Variants in PPARGC1A observed in about 807,000 individuals in gnomAD.
PPARGC1A encodes peroxisome proliferator-activated receptor gamma coactivator 1-alpha.
Under a neutral mutation model 88.7 loss-of-function variants are expected in PPARGC1A, and 25 were observed. The ratio of observed to expected loss-of-function variants is 0.28; its 90% CI spans 0.21 to 0.39. The LOEUF (loss-of-function observed/expected upper bound fraction) is 0.39. Ranked by LOEUF, PPARGC1A falls within the 10% of genes least tolerant of loss-of-function variation. The pLI, the probability that PPARGC1A is intolerant of heterozygous loss-of-function variation, is 1.00. For missense variants in PPARGC1A, 880 were observed against 968.7 expected (o/e 0.91, Z 1.22); for synonymous variants, 363 against 355.6 (o/e 1.02, Z -0.24).
intron 7 of PPARGC1A, chr4:23,820,399 A>T (rs1430236192): frequency 1.5e-5 from 3 of 198,388 alleles, no homozygotes; most frequent in African/African-American, 7.1e-5. Context: ...CTATATATAC[A>T]TATACATAAA....
At chr4:24,125,603 G>A in the PPARGC1A span, among the ~76,000 whole-genome samples, 1 of 152,154 alleles carries the variant, frequency 6.6e-6, no homozygotes, top group East Asian at 1.9e-4. Context: ...TACTTCTTAT[G>A]CCCTGTATTT....
At chr4:24,351,455 G>A in the PPARGC1A span, among the ~76,000 whole-genome samples, 27 of 151,476 alleles carry the variant, frequency 1.8e-4, no homozygotes, top group East Asian at 5.8e-4. Context: ...GGAAAAATGC[G>A]ATTACAAAAC....
chr4:24,221,143 G>A, the PPARGC1A span, among the ~76,000 whole-genome samples: 1 of 152,132 alleles, frequency 6.6e-6, no homozygotes. Context: ...ATGAGACGGG[G>A]AGTCACAGAT....
the PPARGC1A span, among the ~76,000 whole-genome samples, chr4:24,412,863 G>C: frequency 4.2e-4 from 64 of 152,312 alleles, no homozygotes; most frequent in African/African-American, 1.4e-3. Flanking sequence ...GTTGGGTTGA[G>C]TGGTTGCCAC....
the PPARGC1A span, among the ~76,000 whole-genome samples, chr4:24,139,376 G>A: frequency 1.4e-3 from 112 of 80,048 alleles, no homozygotes; most frequent in African/African-American, 6.2e-3. Context: ...CTTGTGATCC[G>A]CCCGCCTTGG....
At chr4:24,399,520 G>A in the PPARGC1A span, among the ~76,000 whole-genome samples, 1 of 152,130 alleles carries the variant, frequency 6.6e-6, no homozygotes, top group Non-Finnish European at 1.5e-5. Flanking sequence ...ACACTTCACT[G>A]GGACTGAAGT....
At chr4:24,285,948 T>C in the PPARGC1A span, among the ~76,000 whole-genome samples, 1 of 152,196 alleles carries the variant, frequency 6.6e-6, no homozygotes, top group Non-Finnish European at 1.5e-5. Context: ...AAAGCGAAAC[T>C]ATTAAGCCAC....
chr4:24,089,049 C>G, the PPARGC1A span, among the ~76,000 whole-genome samples: 1 of 152,172 alleles, frequency 6.6e-6, no homozygotes, highest in African/African-American at 2.4e-5. Flanking sequence ...CATACAACTC[C>G]TAGCACTATG....
the PPARGC1A span, among the ~76,000 whole-genome samples, chr4:24,063,989 T>C: frequency 6.6e-6 from 1 of 151,978 alleles, no homozygotes; most frequent in South Asian, 2.1e-4. Context: ...GGAATCTGTG[T>C]TCGAGACTCT....
the PPARGC1A span, among the ~76,000 whole-genome samples, chr4:24,128,469 A>T: frequency 2.0e-5 from 3 of 151,964 alleles, no homozygotes; most frequent in East Asian, 5.8e-4. Context: ...GCATGTCAGT[A>T]ACAGAAAGAA....
chr4:24,187,385 G>C, the PPARGC1A span, among the ~76,000 whole-genome samples: 2 of 152,216 alleles, frequency 1.3e-5, no homozygotes, highest in African/African-American at 4.8e-5. Flanking sequence ...CACACAGCTA[G>C]TAAGTGCTGA....
At chr4:24,065,861 C>A in the PPARGC1A span, among the ~76,000 whole-genome samples, 3 of 152,090 alleles carry the variant, frequency 2.0e-5, no homozygotes, top group Non-Finnish European at 2.9e-5. Context: ...TACAGAGGAA[C>A]CCCCTGTGCT....
chr4:24,242,943 C>G, the PPARGC1A span, among the ~76,000 whole-genome samples: 4 of 152,132 alleles, frequency 2.6e-5, no homozygotes, highest in African/African-American at 9.7e-5. Flanking sequence ...TCTCCATCCC[C>G]TTTTTCCACT....
chr4:24,067,892 G>A, the PPARGC1A span, among the ~76,000 whole-genome samples: 1 of 152,218 alleles, frequency 6.6e-6, no homozygotes, highest in Non-Finnish European at 1.5e-5. Flanking sequence ...AAAGGAGAGA[G>A]ACATCTGCCA....
chr4:24,324,731 C>T, the PPARGC1A span, among the ~76,000 whole-genome samples: 1 of 152,142 alleles, frequency 6.6e-6, no homozygotes, highest in African/African-American at 2.4e-5. Flanking sequence ...TCCTGACGTC[C>T]AGGCATTCTT....
chr4:23,816,027 AGAAT>A (rs746895667), intron 7 of PPARGC1A, among the ~76,000 whole-genome samples: 15 of 152,362 alleles, frequency 9.8e-5, no homozygotes. Context: ...AGAAATGGAA[AGAAT>A]GAATGTTTTC....
At chr4:23,905,825 C>T (rs1391632692), upstream of PPARGC1A, among the ~76,000 whole-genome samples, 1 of 152,150 alleles carries the variant, frequency 6.6e-6, no homozygotes, top group Non-Finnish European at 1.5e-5. Flanking sequence ...TGGCATCAAA[C>T]ATTTTGTTCT....
the PPARGC1A span, among the ~76,000 whole-genome samples, chr4:24,161,959 TATACACACACACACACACACACACAC>T: frequency 3.4e-5 from 4 of 118,732 alleles, no homozygotes; most frequent in African/African-American, 1.3e-4. Flanking sequence ...GAAATTGTGA[TATACACACACACACACACACACACAC>T]ACACACACAC....
At chr4:23,984,398 A>G in the PPARGC1A span, among the ~76,000 whole-genome samples, 3 of 152,112 alleles carry the variant, frequency 2.0e-5, no homozygotes, top group African/African-American at 7.2e-5. Context: ...TAATTCTAAC[A>G]TCTACTCAAA....
Sources: allele counts gnomAD v4.1 joint callset (sites outside exome capture counted in the v4.1 genomes callset), GRCh38; gene constraint gnomAD v4.1.1; transcripts MANE v1.5; gene names NCBI Gene and HGNC (gene_info 2026-07-23, HGNC 2026-07-21).